Variants in HHAT observed in about 807,000 individuals in gnomAD.
HHAT encodes hedgehog acyltransferase.
A neutral mutation model predicts 70.8 loss-of-function variants in HHAT; 47 were observed. The observed-to-expected ratio is 0.66, with a 90% CI of 0.53 to 0.85. HHAT has a LOEUF of 0.85. HHAT is among the 40% of genes least tolerant of loss of function. The pLI, the probability that HHAT is intolerant of heterozygous loss-of-function variation, is 0.00. For missense variants in HHAT, 609 were observed against 604.8 expected, an observed-to-expected ratio of 1.01 and a Z score of -0.07; for synonymous variants, 228 against 247.6, an observed-to-expected ratio of 0.92 and a Z score of 0.74.
intron 9 of HHAT, 108 bp downstream of exon 9, chr1:210,513,296 A>G (rs2094993462): frequency 1.2e-5 from 7 of 605,060 alleles, no homozygotes; most frequent in Non-Finnish European, 1.8e-5. Flanking sequence ...GCACTTATAT[A>G]TATACTTGTC....
At chr1:210,423,012 A>C (rs2092951568) in intron 7 of HHAT, among the ~76,000 whole-genome samples, 3 of 152,330 alleles carry the variant, frequency 2.0e-5, no homozygotes, top group Middle Eastern at 6.8e-3. Flanking sequence ...GCTGTTGTGA[A>C]TAGTGCTACA....
intron 11 of HHAT, among the ~76,000 whole-genome samples, chr1:210,648,885 G>A (rs1298792800): frequency 6.6e-6 from 1 of 152,230 alleles, no homozygotes. Context: ...TAACATGCCT[G>A]CATACAGAAA....
intron 10 of HHAT, among the ~76,000 whole-genome samples, chr1:210,617,864 G>T (rs1204378881): frequency 2.0e-5 from 3 of 152,210 alleles, no homozygotes; most frequent in Non-Finnish European, 2.9e-5. Context: ...AAGGAAGGAG[G>T]AGGTATTGCT....
Position 210,328,910 on chromosome 1 carries a change from C to A in HHAT, c.-238C>A. 2.4e-6 allele frequency: 2 copies of A among 848,026 alleles called. No individual in the cohort carries two copies. The highest frequency in any genetic ancestry group is 3.1e-6 in the Non-Finnish European group (2 of 635,700). 52.5% of individuals were successfully genotyped at this position (848,026 alleles called of 1,614,324 possible). A position where few individuals can be genotyped will look rare whatever the true frequency, so the allele number is the denominator to read the frequency against. On this transcript the variant is annotated 5_prime_UTR_variant, in exon 1 of 12. Coordinates refer to ENST00000261458, the MANE Select transcript of HHAT (RefSeq NM_018194.6). The stretch of plus-strand genomic sequence containing the variant: ...GGGCGCGGAGGGCGCGCGGGCACGG[C>A]GGCAGGGGCGTGCTCGGAGGACGCG...
At chr1:210,658,755 A>G (rs1300144357) in intron 11 of HHAT, among the ~76,000 whole-genome samples, 1 of 152,238 alleles carries the variant, frequency 6.6e-6, no homozygotes, top group Non-Finnish European at 1.5e-5. Context: ...CCACAGTGCA[A>G]TCAAATTAGA....
rs1056007685 is a variant in HHAT, at chr1:210,673,879, C to G, written c.1391-409C>G. Among the ~76,000 whole-genome samples, 3 of 151,328 alleles carry G rather than the reference C, an allele frequency of 2.0e-5. No individual in the cohort carries two copies. In the East Asian group the frequency reaches 5.8e-4, roughly 29 times the overall value. ...CCAACTCTTGGACTCAAGTGATCCT[C>G]CCACCTCAGCCTTCCAAAGTGCCGG... On this transcript the variant is annotated intron_variant, in intron 11 of 11. Transcript: ENST00000261458.
At chr1:210,561,190 G>C (rs565014004) in intron 9 of HHAT, among the ~76,000 whole-genome samples, 321 of 152,146 alleles carry the variant, frequency 2.1e-3, no homozygotes, top group African/African-American at 7.4e-3. Flanking sequence ...GGTGATCTTG[G>C]GCCACTTGTT....
At chr1:210,559,777 T>C (rs2095604923) in intron 9 of HHAT, among the ~76,000 whole-genome samples, 1 of 152,220 alleles carries the variant, frequency 6.6e-6, no homozygotes, top group Admixed American at 6.5e-5. Flanking sequence ...GTTCCTTCTT[T>C]TGACCATCCA....
chr1:210,620,745 T>C (rs1220831466), intron 10 of HHAT, among the ~76,000 whole-genome samples: 2 of 152,234 alleles, frequency 1.3e-5, no homozygotes, highest in Non-Finnish European at 2.9e-5. Context: ...TTTAACATTC[T>C]TGCTTATTTA....
chr1:210,471,769 T>C (rs985633688), intron 8 of HHAT, among the ~76,000 whole-genome samples: 3 of 152,258 alleles, frequency 2.0e-5, no homozygotes, highest in Admixed American at 6.5e-5. Context: ...GCCCATTAGA[T>C]GTTAATATAA....
intron 7 of HHAT, chr1:210,462,482 C>A (rs1039148996): frequency 5.3e-5 from 8 of 152,204 alleles, no homozygotes; most frequent in African/African-American, 1.9e-4. Flanking sequence ...ACATGCCCTT[C>A]AAGTATTTTA....
intron 9 of HHAT, among the ~76,000 whole-genome samples, chr1:210,544,498 G>A (rs969948519): frequency 1.3e-5 from 2 of 149,350 alleles, no homozygotes; most frequent in Non-Finnish European, 3.0e-5. Flanking sequence ...TCAGCCTCCC[G>A]AGTAGCTGGG....
intron 5 of HHAT, among the ~76,000 whole-genome samples, chr1:210,404,101 C>A (rs1203575531): frequency 4.3e-4 from 66 of 152,268 alleles, no homozygotes; most frequent in Middle Eastern, 3.4e-3. Flanking sequence ...GTTGAAGAAG[C>A]TGTCAAAGTA....
At chr1:210,392,447 T>C (rs1030240763) in intron 4 of HHAT, among the ~76,000 whole-genome samples, 1 of 152,134 alleles carries the variant, frequency 6.6e-6, no homozygotes, top group African/African-American at 2.4e-5. Flanking sequence ...TCCCTGATCA[T>C]CTCTCCTCTG....
intron 4 of HHAT, among the ~76,000 whole-genome samples, chr1:210,388,480 C>T (rs898016999): frequency 2.6e-5 from 4 of 152,110 alleles, no homozygotes; most frequent in Admixed American, 6.5e-5. Context: ...TTGGCGTTTC[C>T]TGGGCTTGCT....
intron 11 of HHAT, among the ~76,000 whole-genome samples, chr1:210,646,363 G>A (rs1406203177): frequency 6.6e-6 from 1 of 152,176 alleles, no homozygotes; most frequent in Non-Finnish European, 1.5e-5. Flanking sequence ...GCGCTGGCAG[G>A]ATAAGTTCCT....
At chr1:210,574,966 G>A (rs1371703880) in intron 9 of HHAT, among the ~76,000 whole-genome samples, 1 of 152,228 alleles carries the variant, frequency 6.6e-6, no homozygotes, top group African/African-American at 2.4e-5. Flanking sequence ...TAGGATGTGA[G>A]TGAGAGGCAG....
intron 11 of HHAT, among the ~76,000 whole-genome samples, chr1:210,667,768 A>G (rs1158536905): frequency 2.6e-5 from 4 of 152,296 alleles, no homozygotes; most frequent in African/African-American, 9.6e-5. Context: ...AATAATATAT[A>G]CTGTATTATT....
chr1:210,664,743 GA>G (rs1328642520), intron 11 of HHAT, among the ~76,000 whole-genome samples: 5 of 152,350 alleles, frequency 3.3e-5, no homozygotes, highest in African/African-American at 1.2e-4. Context: ...GGCCTCTGCA[GA>G]ACCACATGTG....
Sources: allele counts gnomAD v4.1 joint callset (sites outside exome capture counted in the v4.1 genomes callset), GRCh38; gene constraint gnomAD v4.1.1; transcripts MANE v1.5; gene names NCBI Gene and HGNC (gene_info 2026-07-23, HGNC 2026-07-21).